Variants in HUNK observed in about 807,000 individuals in gnomAD.
HUNK encodes hormonally up-regulated Neu-associated kinase, also known as hormonally up-regulated neu tumor-associated kinase.
HUNK carries 21 observed loss-of-function variants against 61.0 expected under a neutral mutation model. That is an observed-to-expected ratio of 0.34 (90% CI 0.24 to 0.50). The LOEUF (loss-of-function observed/expected upper bound fraction) is 0.50, where lower values mean the gene tolerates loss of function less well. Among genes scored for constraint, HUNK ranks in the 20% least tolerant of loss-of-function variants. The pLI is 0.98. For synonymous variants in HUNK, 371 were observed against 386.1 expected, an observed-to-expected ratio of 0.96 and a Z score of 0.46; for missense variants, 772 against 945.7, an observed-to-expected ratio of 0.82 and a Z score of 2.41.
intron 6 of HUNK, chr21:31,974,320 A>G: frequency 2.8e-6 from 1 of 361,204 alleles, no homozygotes; most frequent in Non-Finnish European, 4.9e-6. Context: ...AAAATACTTC[A>G]GCAAAAAAAA....
At chr21:31,902,248 C>T (rs1337843961) in intron 1 of HUNK, among the ~76,000 whole-genome samples, 1 of 152,186 alleles carries the variant, frequency 6.6e-6, no homozygotes, top group Non-Finnish European at 1.5e-5. Context: ...CGGTGGCTCA[C>T]ACCTGTAATC....
chr21:31,952,378 C>A (rs983135130), intron 4 of HUNK, among the ~76,000 whole-genome samples: 1 of 152,186 alleles, frequency 6.6e-6, no homozygotes, highest in African/African-American at 2.4e-5. Flanking sequence ...TCCCGAAGGT[C>A]CTCTTGGCTG....
intron 1 of HUNK, among the ~76,000 whole-genome samples, chr21:31,888,042 T>C (rs1805772173): frequency 6.6e-6 from 1 of 152,180 alleles, no homozygotes; most frequent in Non-Finnish European, 1.5e-5. Context: ...TTACTCTTCA[T>C]AGTAGCCTTT....
chr21:31,947,976 T>C (rs990944535), intron 4 of HUNK, among the ~76,000 whole-genome samples: 1 of 152,202 alleles, frequency 6.6e-6, no homozygotes, highest in Non-Finnish European at 1.5e-5. Flanking sequence ...GCTTACTTAG[T>C]GCTTGATGTG....
chr21:31,994,014 G>A (rs1048848152), intron 9 of HUNK, among the ~76,000 whole-genome samples: 3 of 152,186 alleles, frequency 2.0e-5, no homozygotes, highest in African/African-American at 2.4e-5. Context: ...GGGAAAATCC[G>A]CGTTTCCACC....
chr21:32,003,178 A>C lies in HUNK; in HGVS notation c.*3994A>C, dbSNP rs2053257293. The C allele has an allele frequency of 6.6e-6, 1 of 152,184 alleles. No individual in the cohort carries two copies. Among genetic ancestry groups the C allele is most frequent in the Non-Finnish European group, 1.5e-5 (1 of 68,044 alleles). The allele number at this position is 152,184 out of a possible 1,614,324, so 9.4% of individuals were successfully genotyped here. ...AGATCAAGCCGTCATCACAACAGGT[A>C]TTTCTGAAGTTCCTGCAGGGACTAG... is the stretch of plus-strand genomic sequence containing the variant. On this transcript the variant is annotated 3_prime_UTR_variant, in exon 11 of 11. Transcript: ENST00000270112.
At chr21:31,898,581 A>G (rs1261744436) in intron 1 of HUNK, among the ~76,000 whole-genome samples, 1 of 152,060 alleles carries the variant, frequency 6.6e-6, no homozygotes, top group African/African-American at 2.4e-5. Context: ...ATTTTTTATT[A>G]GGGCAAAAAT....
chr21:31,886,812 A>C (rs777680998), intron 1 of HUNK, among the ~76,000 whole-genome samples: 14 of 151,960 alleles, frequency 9.2e-5, no homozygotes, highest in Non-Finnish European at 1.9e-4. Flanking sequence ...CGCCCAGCTA[A>C]TTTTTGTATT....
At position 31,912,244 on chromosome 21, in the gene HUNK, C is replaced by T. The variant is rs555142443; in HGVS notation, c.262-12224C>T. On this transcript the variant is annotated intron_variant, in intron 1 of 10. Coordinates refer to ENST00000270112, the MANE Select transcript of HUNK (RefSeq NM_014586.2). Reference sequence around the variant, plus strand: ...CTGACGCGGTGCTGGACACTGGACACGCCAGGTTCAGTCATTTTTGAAATG... The same window carrying T: ...CTGACGCGGTGCTGGACACTGGACATGCCAGGTTCAGTCATTTTTGAAATG... 6.6e-5 allele frequency among the ~76,000 whole-genome samples: 10 copies of T among 152,178 alleles called. No individual in the cohort carries two copies. In the South Asian group the frequency reaches 1.0e-3, roughly 16 times the overall value.
chr21:31,971,771 T>C (rs1038589356), intron 6 of HUNK, among the ~76,000 whole-genome samples: 6 of 151,728 alleles, frequency 4.0e-5, no homozygotes, highest in African/African-American at 1.5e-4. Context: ...TAAATGTTTA[T>C]GCCAGTCAGT....
chr21:31,892,166 T>A (rs573091145), intron 1 of HUNK, among the ~76,000 whole-genome samples: 54 of 113,282 alleles, frequency 4.8e-4, no homozygotes, highest in East Asian at 1.2e-3. Flanking sequence ...AAAAAAAATA[T>A]ATATATATAT....
At chr21:31,874,341 G>T (rs1413330590) in intron 1 of HUNK, among the ~76,000 whole-genome samples, 8 of 149,730 alleles carry the variant, frequency 5.3e-5, no homozygotes. Context: ...GGGGGGCGGG[G>T]GGGGCAGGAA....
intron 1 of HUNK, among the ~76,000 whole-genome samples, chr21:31,887,167 G>A (rs963953445): frequency 6.6e-6 from 1 of 152,100 alleles, no homozygotes; most frequent in African/African-American, 2.4e-5. Context: ...TGCTTTCTGC[G>A]GGGATTTAGT....
intron 7 of HUNK, among the ~76,000 whole-genome samples, chr21:31,982,126 T>G (rs1568940920): frequency 6.6e-6 from 1 of 152,204 alleles, no homozygotes; most frequent in Admixed American, 6.5e-5. Context: ...ATAGAAGTAG[T>G]AAGAGTGGGC....
chr21:31,891,355 C>T (rs188268635), intron 1 of HUNK, among the ~76,000 whole-genome samples: 109 of 152,276 alleles, frequency 7.2e-4, no homozygotes, highest in South Asian at 1.7e-3. Context: ...CCAGCCTGGG[C>T]GACAGAGTGA....
At chr21:31,891,859 C>G (rs2123793398) in intron 1 of HUNK, among the ~76,000 whole-genome samples, 1 of 152,158 alleles carries the variant, frequency 6.6e-6, no homozygotes, top group Non-Finnish European at 1.5e-5. Flanking sequence ...TTGGTTTTGT[C>G]TTATAAATGA....
chr21:31,919,505 G>A (rs1050917866), intron 1 of HUNK, among the ~76,000 whole-genome samples: 11 of 152,218 alleles, frequency 7.2e-5, no homozygotes, highest in African/African-American at 1.7e-4. Context: ...TCGTACGGCT[G>A]TGATAATGAG....
intron 2 of HUNK, among the ~76,000 whole-genome samples, chr21:31,933,785 A>AT (rs2052714337): frequency 1.4e-5 from 1 of 70,440 alleles, no homozygotes; most frequent in Non-Finnish European, 2.7e-5. Flanking sequence ...ACTCTGTCTC[A>AT]AAAAAAAAAA....
At chr21:31,973,533 C>G (rs1472727520) in intron 6 of HUNK, among the ~76,000 whole-genome samples, 1 of 152,110 alleles carries the variant, frequency 6.6e-6, no homozygotes, top group Non-Finnish European at 1.5e-5. Flanking sequence ...AGAGCCCTCC[C>G]CCTGATTTCT....
Sources: allele counts gnomAD v4.1 joint callset (sites outside exome capture counted in the v4.1 genomes callset), GRCh38; gene constraint gnomAD v4.1.1; transcripts MANE v1.5; gene names NCBI Gene and HGNC (gene_info 2026-07-23, HGNC 2026-07-21).